BACH1: variants seen among roughly 807,000 people sequenced by gnomAD.
BACH1 encodes transcription regulator protein BACH1.
BACH1 carries 35 observed loss-of-function variants against 52.9 expected under a neutral mutation model. The observed-to-expected ratio is 0.66, with a 90% CI of 0.51 to 0.88. The LOEUF (loss-of-function observed/expected upper bound fraction) is 0.88. Ranked by LOEUF, BACH1 falls within the 40% of genes least tolerant of loss-of-function variation. The pLI is 0.00. For missense variants in BACH1, 808 were observed against 872.6 expected (o/e 0.93, Z 0.93); for synonymous variants, 321 against 319.6 (o/e 1.00, Z -0.05).
At chr21:29,333,405 A>G (rs1160223525) in intron 4 of BACH1, among the ~76,000 whole-genome samples, 1 of 152,180 alleles carries the variant, frequency 6.6e-6, no homozygotes, top group Non-Finnish European at 1.5e-5. Flanking sequence ...TACTTTTTGA[A>G]AGTAACATGG....
intron 1 of BACH1, among the ~76,000 whole-genome samples, chr21:29,310,930 T>G (rs572732262): frequency 4.1e-4 from 63 of 152,262 alleles, no homozygotes; most frequent in African/African-American, 1.5e-3. Context: ...TCGAGGGGTA[T>G]AAGGAGGGTC....
chr21:29,301,003 A>G (rs938079543), intron 1 of BACH1, among the ~76,000 whole-genome samples: 1 of 152,224 alleles, frequency 6.6e-6, no homozygotes, highest in East Asian at 1.9e-4. Flanking sequence ...CACAACCCAA[A>G]TATTTATATG....
At position 29,329,640 on chromosome 21, in the gene BACH1, C is replaced by A; in HGVS notation, c.1723C>A (p.Arg575Ser). The A allele has an allele frequency of 1.3e-6, 2 of 1,597,346 alleles. No individual in the cohort carries two copies. Among genetic ancestry groups the A allele is most frequent in the South Asian group, 2.3e-5 (2 of 87,608 alleles). The change falls in exon 4 of 5, where the codon CGC becomes AGC. Residue 575 changes from arginine to serine, a missense_variant. By Grantham distance (110) the Arg-to-Ser change is moderately radical. Transcript: ENST00000286800. ...SKNRIAAQRCRKRKLDCIQNL... is the reference protein window; with the variant it reads ...SKNRIAAQRCSKRKLDCIQNL... ...AAACAGAATTGCTGCACAGCGCTGT[C>A]GCAAGAGAAAACTTGACTGTATACA... is the stretch of plus-strand genomic sequence containing the variant.
At chr21:29,319,342 G>A (rs1385610716) in intron 1 of BACH1, among the ~76,000 whole-genome samples, 1 of 152,132 alleles carries the variant, frequency 6.6e-6, no homozygotes, top group Non-Finnish European at 1.5e-5. Context: ...AAGCAGGCAT[G>A]GCACGGGATT....
Position 29,326,299 on chromosome 21 carries a change from C to T in BACH1, c.475C>T (p.Leu159Phe), listed in dbSNP as rs1289112607. The change falls in exon 3 of 5, where the codon CTT becomes TTT. Residue 159 changes from leucine (L) to phenylalanine (F), a missense_variant. Leu to Phe is a conservative substitution (Grantham distance 22, BLOSUM62 0). Transcript: ENST00000286800. ...TCAGAAAACAGACCTTAAACTTTCA[C>T]TTTTGGACCAGAGGGATCTAGAAAC... is the stretch of plus-strand genomic sequence containing the variant. ...HCQKTDLKLSLLDQRDLETDE... is the reference protein window; with the variant it reads ...HCQKTDLKLSFLDQRDLETDE... 1 of 1,614,148 alleles carries T rather than the reference C, an allele frequency of 6.2e-7. No individual in the cohort carries two copies. Among genetic ancestry groups the T allele is most frequent in the Admixed American group, 1.7e-5 (1 of 60,016 alleles).
intron 2 of BACH1, among the ~76,000 whole-genome samples, chr21:29,360,829 G>C (rs1255562074): frequency 7.0e-6 from 1 of 143,858 alleles, no homozygotes; most frequent in African/African-American, 2.6e-5. Flanking sequence ...TGGGGCAACA[G>C]AGCAAGACCC....
chr21:29,328,843 C>T (rs1450601907), intron 3 of BACH1, among the ~76,000 whole-genome samples: 1 of 152,160 alleles, frequency 6.6e-6, no homozygotes, highest in Non-Finnish European at 1.5e-5. Flanking sequence ...AGCATGATGC[C>T]TCCCAAGTTC....
At chr21:29,334,715 G>C (rs1449898151) in intron 4 of BACH1, among the ~76,000 whole-genome samples, 1 of 152,184 alleles carries the variant, frequency 6.6e-6, no homozygotes, top group Non-Finnish European at 1.5e-5. Context: ...TTGCGCTCAG[G>C]GTTGAGGTGT....
At chr21:29,352,284 C>T (rs1420778458) in intron 2 of BACH1, among the ~76,000 whole-genome samples, 19 of 151,962 alleles carry the variant, frequency 1.3e-4, no homozygotes, top group Non-Finnish European at 1.3e-4. Context: ...GAACTCCTGA[C>T]CTCAAGTGAT....
rs185228082 is a variant in BACH1, at chr21:29,332,580, A to G, written c.1776+2887A>G. 4.5e-4 allele frequency among the ~76,000 whole-genome samples: 68 copies of G among 152,332 alleles called. 1 individual carries two copies. The highest frequency in any genetic ancestry group is 6.8e-4 in the Non-Finnish European group (46 of 68,034). Reference sequence around the variant, plus strand: ...TAGACAATGGAGCCAGGCCTCATAAATAACAGGGAACAGAAGTGGAAGACT... The same window carrying G: ...TAGACAATGGAGCCAGGCCTCATAAGTAACAGGGAACAGAAGTGGAAGACT... On this transcript the variant is annotated intron_variant, in intron 4 of 4. Coordinates refer to ENST00000286800, the MANE Select transcript of BACH1 (RefSeq NM_001186.4).
At position 29,359,887 on chromosome 21, in the gene BACH1, C is replaced by G. The variant is rs555316881; in HGVS notation, c.472+30194C>G. Among the ~76,000 whole-genome samples the G allele has an allele frequency of 1.6e-3, 251 of 152,260 alleles. 1 individual carries two copies. Among genetic ancestry groups the G allele is most frequent in the African/African-American group, 5.5e-3 (227 of 41,554 alleles). On this transcript the variant is annotated intron_variant, in intron 2 of 4. Transcript: ENST00000422809. The stretch of plus-strand genomic sequence containing the variant: ...ACAGACAGAACTCTTGATCATTGCT[C>G]TGCTCACCTGTGACAAATGCATTTC...
intron 2 of BACH1, among the ~76,000 whole-genome samples, chr21:29,325,401 TAC>T (rs1014618085): frequency 6.6e-6 from 1 of 152,236 alleles, no homozygotes; most frequent in African/African-American, 2.4e-5. Context: ...TGCAAGTTTC[TAC>T]TTAAAAGTTT....
chr21:29,339,413 G>A (rs927368080), intron 4 of BACH1, among the ~76,000 whole-genome samples: 1 of 152,056 alleles, frequency 6.6e-6, no homozygotes, highest in Non-Finnish European at 1.5e-5. Context: ...AGATTTCTCT[G>A]AACTGCCGTT....
chr21:29,354,501 G>A (rs2089221960), intron 2 of BACH1, among the ~76,000 whole-genome samples: 1 of 152,148 alleles, frequency 6.6e-6, no homozygotes. Context: ...CCAGGGATGT[G>A]TTCGTGGGAA....
chr21:29,342,074 T>G (rs915273952), intron 4 of BACH1, among the ~76,000 whole-genome samples: 1 of 152,170 alleles, frequency 6.6e-6, no homozygotes, highest in Non-Finnish European at 1.5e-5. Context: ...CTTTCTTCAT[T>G]ATTTGCTATT....
chr21:29,338,127 C>T (rs548570466), intron 4 of BACH1, among the ~76,000 whole-genome samples: 1 of 152,012 alleles, frequency 6.6e-6, no homozygotes, highest in Non-Finnish European at 1.5e-5. Context: ...ACCTGGTGTG[C>T]GTTGTTTCTC....
intron 1 of BACH1, among the ~76,000 whole-genome samples, chr21:29,320,076 C>A (rs958652454): frequency 6.6e-6 from 1 of 152,130 alleles, no homozygotes; most frequent in African/African-American, 2.4e-5. Context: ...AACCTTGGGA[C>A]TGAACTTCAG....
intron 4 of BACH1, 25 bp from the exon 5 acceptor site, chr21:29,342,374 T>G (rs2089123935): frequency 1.9e-6 from 3 of 1,595,708 alleles, no homozygotes; most frequent in Non-Finnish European, 2.6e-6. Context: ...CACAAGCCAT[T>G]GTGTTCTCTT....
intron 4 of BACH1, among the ~76,000 whole-genome samples, chr21:29,331,407 C>A (rs577659966): frequency 1.3e-5 from 2 of 152,136 alleles, no homozygotes; most frequent in Non-Finnish European, 2.9e-5. Context: ...TAGTTTATTT[C>A]GTAACTTTAT....
Sources: allele counts gnomAD v4.1 joint callset (sites outside exome capture counted in the v4.1 genomes callset), GRCh38; gene constraint gnomAD v4.1.1; transcripts MANE v1.5; gene names NCBI Gene and HGNC (gene_info 2026-07-23, HGNC 2026-07-21).